TPRG1: variants seen among roughly 807,000 people sequenced by gnomAD.
TPRG1 encodes the protein tumor protein p63-regulated gene 1 protein.
Under a neutral mutation model 29.3 loss-of-function variants are expected in TPRG1, and 29 were observed. The observed-to-expected ratio is 0.99, with a 90% CI of 0.74 to 1.35. TPRG1 has a LOEUF of 1.35. Among genes scored for constraint, TPRG1 ranks in the 40% most tolerant of loss-of-function variants. The probability of loss-of-function intolerance (pLI) is 0.00; values close to 1 mark genes in which losing one functional copy is unlikely to be tolerated. For synonymous variants in TPRG1, 130 were observed against 116.8 expected, an observed-to-expected ratio of 1.11 and a Z score of -0.73; for missense variants, 327 against 335.0, an observed-to-expected ratio of 0.98 and a Z score of 0.19.
chr3:189,222,896 AT>A (rs1241168583), intron 3 of TPRG1, among the ~76,000 whole-genome samples: 2 of 152,112 alleles, frequency 1.3e-5, no homozygotes, highest in African/African-American at 4.8e-5. Context: ...TCTGTTTTGT[AT>A]GCCTCTGCCT....
intron 5 of TPRG1, among the ~76,000 whole-genome samples, chr3:189,152,783 TA>T (rs888573419): frequency 1.3e-4 from 19 of 151,510 alleles, no homozygotes; most frequent in African/African-American, 3.6e-4. Flanking sequence ...CCATTATTAT[TA>T]AAAAGTAGGA....
chr3:189,200,078 C>A (rs900122153), intron 1 of TPRG1, among the ~76,000 whole-genome samples: 1 of 152,120 alleles, frequency 6.6e-6, no homozygotes, highest in Non-Finnish European at 1.5e-5. Context: ...CTTGGCCTAG[C>A]CCTGTATTCT....
At chr3:189,085,059 TG>T (rs763405332) in intron 4 of TPRG1, among the ~76,000 whole-genome samples, 5 of 152,234 alleles carry the variant, frequency 3.3e-5, no homozygotes, top group Non-Finnish European at 7.3e-5. Flanking sequence ...ATGATTGTGC[TG>T]TTTAACAAAT....
At chr3:189,257,373 C>T (rs541351994) in intron 4 of TPRG1, among the ~76,000 whole-genome samples, 9 of 152,260 alleles carry the variant, frequency 5.9e-5, no homozygotes, top group East Asian at 5.8e-4. Context: ...CAGAGAGAGC[C>T]GCTGTTAGTC....
At position 189,325,146 on chromosome 3, in the gene TPRG1, G is replaced by A. The variant is rs1395937748; in HGVS notation, c.*4326G>A. ...CTACCTGATTTTGGCAACTGCTTAGGGTTCTTCTGTATCCACAAAAAGGAA... is the reference window on the plus strand; with the variant it reads ...CTACCTGATTTTGGCAACTGCTTAGAGTTCTTCTGTATCCACAAAAAGGAA... On this transcript the variant is annotated 3_prime_UTR_variant, in exon 6 of 6. Coordinates refer to ENST00000345063, the MANE Select transcript of TPRG1 (RefSeq NM_198485.4). The A allele has an allele frequency of 6.6e-6, 1 of 151,704 alleles. No homozygotes were observed. The highest frequency in any genetic ancestry group is 1.5e-5 in the Non-Finnish European group (1 of 67,960). The allele number at this position is 151,704 out of a possible 1,614,324, so 9.4% of individuals were successfully genotyped here.
At chr3:189,048,848 C>T (rs991046871) in intron 4 of TPRG1, among the ~76,000 whole-genome samples, 2 of 152,192 alleles carry the variant, frequency 1.3e-5, no homozygotes, top group African/African-American at 4.8e-5. Flanking sequence ...AAGGGAGACC[C>T]TCCCGTCCGC....
intron 4 of TPRG1, among the ~76,000 whole-genome samples, chr3:189,026,950 T>C (rs1269637005): frequency 6.6e-6 from 1 of 152,196 alleles, no homozygotes; most frequent in African/African-American, 2.4e-5. Context: ...CTTATATATA[T>C]CAATAACTTT....
intron 4 of TPRG1, among the ~76,000 whole-genome samples, chr3:189,254,630 A>G (rs1711516627): frequency 6.6e-6 from 1 of 152,092 alleles, no homozygotes; most frequent in Non-Finnish European, 1.5e-5. Context: ...CATTTTCACG[A>G]TATTGATTCT....
intron 3 of TPRG1, among the ~76,000 whole-genome samples, chr3:189,019,845 G>A (rs1252304804): frequency 6.7e-6 from 1 of 150,146 alleles, no homozygotes; most frequent in Admixed American, 6.6e-5. Context: ...GAATTCGGCT[G>A]TGAATCCATC....
upstream of TPRG1, among the ~76,000 whole-genome samples, chr3:189,168,513 T>C (rs756683547): frequency 1.4e-4 from 22 of 152,192 alleles, no homozygotes; most frequent in Non-Finnish European, 2.4e-4. Context: ...ACTATTGGCA[T>C]TGTACTGTGC....
chr3:189,022,459 C>A (rs984614145), intron 3 of TPRG1, among the ~76,000 whole-genome samples: 5 of 151,034 alleles, frequency 3.3e-5, no homozygotes, highest in African/African-American at 1.2e-4. Flanking sequence ...CAGACAGGAC[C>A]CTCAGCTGCA....
chr3:189,000,215 A>G (rs1175971647), intron 1 of TPRG1, among the ~76,000 whole-genome samples: 1 of 152,000 alleles, frequency 6.6e-6, no homozygotes, highest in Non-Finnish European at 1.5e-5. Context: ...TTTACCTGCT[A>G]TTTTTGCTTC....
intron 4 of TPRG1, among the ~76,000 whole-genome samples, chr3:189,087,298 A>G (rs992115911): frequency 2.6e-5 from 4 of 152,224 alleles, no homozygotes; most frequent in African/African-American, 9.6e-5. Context: ...GGCTGCATAA[A>G]TGTCTTCTTT....
At chr3:189,294,302 G>T (rs999820465) in intron 4 of TPRG1, among the ~76,000 whole-genome samples, 1 of 152,116 alleles carries the variant, frequency 6.6e-6, no homozygotes, top group Non-Finnish European at 1.5e-5. Flanking sequence ...ATGGGGAAGT[G>T]GGGGAGGAAA....
At chr3:189,219,518 G>GAAAAAA in intron 3 of TPRG1, 2 of 957,288 alleles carry the variant, frequency 2.1e-6, no homozygotes, top group Admixed American at 4.2e-5. Flanking sequence ...TGGCCCTTCT[G>GAAAAAA]AAAAAAAAAA....
At chr3:189,185,984 G>T (rs1028989558) in intron 1 of TPRG1, among the ~76,000 whole-genome samples, 1 of 152,154 alleles carries the variant, frequency 6.6e-6, no homozygotes, top group African/African-American at 2.4e-5. Context: ...CATACCTCAT[G>T]TGATACAATA....
At chr3:189,215,411 C>G in intron 3 of TPRG1, 28 bp downstream of exon 3, 3 of 1,576,996 alleles carry the variant, frequency 1.9e-6, no homozygotes, top group Non-Finnish European at 2.6e-6. Context: ...AGTGAAGGGC[C>G]GTGGAAATAC....
At chr3:189,204,895 C>A (rs1460453058) in intron 1 of TPRG1, among the ~76,000 whole-genome samples, 1 of 150,300 alleles carries the variant, frequency 6.7e-6, no homozygotes, top group African/African-American at 2.4e-5. Context: ...CAGAGTGCCT[C>A]CTCTGTCTGT....
At chr3:189,166,245 G>T (rs964736842) in intron 5 of TPRG1, among the ~76,000 whole-genome samples, 2 of 152,166 alleles carry the variant, frequency 1.3e-5, no homozygotes, top group Admixed American at 6.5e-5. Flanking sequence ...CTTCCTCTCT[G>T]GTTCAACTCC....
Sources: gnomAD v4.1 joint callset for allele counts (sites outside exome capture counted in the v4.1 genomes callset) on GRCh38, gnomAD v4.1.1 for gene constraint, MANE v1.5 for transcripts, NCBI Gene and HGNC (gene_info 2026-07-23, HGNC 2026-07-21) for gene names.